MFAP3: variants seen among roughly 807,000 people sequenced by gnomAD.
MFAP3 encodes microfibril-associated glycoprotein 3.
A neutral mutation model predicts 20.5 loss-of-function variants in MFAP3; 8 were observed. The observed-to-expected ratio is 0.39, with a 90% CI of 0.23 to 0.70. The LOEUF (loss-of-function observed/expected upper bound fraction) is 0.70. Among genes scored for constraint, MFAP3 ranks in the 30% least tolerant of loss-of-function variants. The pLI is 0.44. For synonymous variants in MFAP3, 140 were observed against 154.0 expected (o/e 0.91, Z 0.67); for missense variants, 398 against 444.6 (o/e 0.90, Z 0.94).
In MFAP3 at chr5:154,053,447, C is replaced by T; in HGVS notation, c.823C>T (p.Pro275Ser). Reference sequence around the variant, plus strand: ...CCTGGGTGAAAGAATTAAAGAGAGACCTGCCTTGAATGCTCAAGGTGGCAT... The same window carrying T: ...CCTGGGTGAAAGAATTAAAGAGAGATCTGCCTTGAATGCTCAAGGTGGCAT... Reference protein sequence around the residue: ...DDLGERIKERPALNAQGGIYV... With the variant: ...DDLGERIKERSALNAQGGIYV... Residue 275 changes from proline (P) to serine (S), a missense_variant, in exon 3 of 3, where the codon CCT becomes TCT. Pro to Ser is a moderately conservative substitution (Grantham distance 74, BLOSUM62 -1). Coordinates refer to ENST00000522782, the MANE Select transcript of MFAP3 (RefSeq NM_005927.5). 6.2e-7 allele frequency: 1 copy of T among 1,613,936 alleles called. No homozygotes were observed. Among genetic ancestry groups the T allele is most frequent in the Admixed American group, 1.7e-5 (1 of 59,962 alleles).
At chr5:154,040,554 C>G (rs1398963694) in intron 1 of MFAP3, among the ~76,000 whole-genome samples, 1 of 152,070 alleles carries the variant, frequency 6.6e-6, no homozygotes, top group African/African-American at 2.4e-5. Context: ...TCAGGGACAC[C>G]CAGGAGTTCC....
chr5:154,041,602 A>G (rs1342310082), intron 1 of MFAP3, among the ~76,000 whole-genome samples: 1 of 152,260 alleles, frequency 6.6e-6, no homozygotes, highest in Admixed American at 6.5e-5. Flanking sequence ...GAGAATTACA[A>G]TGCCAAATTG....
chr5:154,050,610 C>CTTTTTTTTTTTTTTTTTTT (rs11167656), intron 2 of MFAP3, among the ~76,000 whole-genome samples: 1 of 93,288 alleles, frequency 1.1e-5, no homozygotes, highest in African/African-American at 4.0e-5. Context: ...CCTTCCAGCT[C>CTTTTTTTTTTTTTTTTTTT]TTTTTTTTTT....
At chr5:154,040,044 CT>C (rs987219716) in intron 1 of MFAP3, among the ~76,000 whole-genome samples, 1 of 152,160 alleles carries the variant, frequency 6.6e-6, no homozygotes, top group Non-Finnish European at 1.5e-5. Context: ...CTCTGATTTT[CT>C]GTTGTAATGG....
In MFAP3 at chr5:154,056,154, T is replaced by G. The variant is rs1391235780; in HGVS notation, c.*2441T>G. 6.6e-6 allele frequency among the ~76,000 whole-genome samples: 1 copy of G among 152,154 alleles called. No homozygotes were observed. Among genetic ancestry groups the G allele is most frequent in the East Asian group, 1.9e-4 (1 of 5,190 alleles). ...GAACTTTGGAAAAATGGAGGAAATG[T>G]TTTTAAAGTCTGTAAGTTTGCACGA... On this transcript the variant is annotated 3_prime_UTR_variant, in exon 3 of 3. Coordinates refer to ENST00000522782, the MANE Select transcript of MFAP3 (RefSeq NM_005927.5).
chr5:154,046,318 T>G (rs1039050442), intron 1 of MFAP3, among the ~76,000 whole-genome samples: 6 of 152,246 alleles, frequency 3.9e-5, no homozygotes, highest in African/African-American at 1.4e-4. Flanking sequence ...TGAACAATTA[T>G]AATCCCTGTT....
At chr5:154,045,209 A>T (rs1050913620) in intron 1 of MFAP3, among the ~76,000 whole-genome samples, 13 of 152,150 alleles carry the variant, frequency 8.5e-5, no homozygotes, top group African/African-American at 3.1e-4. Context: ...CTATTAGCTT[A>T]CTTTGCCAAT....
chr5:154,050,099 C>T, intron 2 of MFAP3, 82 bp downstream of exon 2: 1 of 1,462,418 alleles, frequency 6.8e-7, no homozygotes, highest in South Asian at 1.4e-5. Context: ...AACAAAAAGT[C>T]TCAAAGATAA....
intron 1 of MFAP3, among the ~76,000 whole-genome samples, chr5:154,044,971 G>A (rs1773043592): frequency 6.7e-6 from 1 of 149,574 alleles, no homozygotes; most frequent in South Asian, 2.1e-4. Flanking sequence ...GTGCCAGGAA[G>A]TAGAATTCTA....
At chr5:154,047,623 T>C (rs1229794863) in intron 1 of MFAP3, among the ~76,000 whole-genome samples, 1 of 152,220 alleles carries the variant, frequency 6.6e-6, no homozygotes, top group Non-Finnish European at 1.5e-5. Flanking sequence ...ATTATGTTTA[T>C]GTGTACGGTT....
In MFAP3 at chr5:154,055,760, C is replaced by G. The variant is rs1184893571; in HGVS notation, c.*2047C>G. 6.6e-6 allele frequency among the ~76,000 whole-genome samples: 1 copy of G among 152,088 alleles called. No individual in the cohort carries two copies. The highest frequency in any genetic ancestry group is 2.4e-5 in the African/African-American group (1 of 41,408). ...AGCTAGGACTACAGGTGTGCACCAC[C>G]TTTCCTGGCTAATTTTTTTTTATTT... On this transcript the variant is annotated 3_prime_UTR_variant, in exon 3 of 3. Coordinates refer to ENST00000522782, the MANE Select transcript of MFAP3 (RefSeq NM_005927.5).
At chr5:154,046,729 G>C (rs1275835609) in intron 1 of MFAP3, among the ~76,000 whole-genome samples, 1 of 152,178 alleles carries the variant, frequency 6.6e-6, no homozygotes, top group African/African-American at 2.4e-5. Flanking sequence ...TGTGACAGCT[G>C]TTCATTCTGC....
At chr5:154,046,185 T>G (rs1773069936) in intron 1 of MFAP3, among the ~76,000 whole-genome samples, 1 of 152,216 alleles carries the variant, frequency 6.6e-6, no homozygotes, top group Non-Finnish European at 1.5e-5. Flanking sequence ...ACATGGTAAA[T>G]GAAGGTATCA....
chr5:154,056,839 G>A lies in MFAP3; in HGVS notation c.*3126G>A, dbSNP rs1322693671. On this transcript the variant is annotated 3_prime_UTR_variant, in exon 3 of 3. Transcript: ENST00000522782. ...TGGTTTAATTCTTGAGTCAGGGCCA[G>A]CACGCATTTATATTTTCTACCAATT... is the stretch of plus-strand genomic sequence containing the variant. Among the ~76,000 whole-genome samples, 1 of 152,296 alleles carries A rather than the reference G, an allele frequency of 6.6e-6. No individual in the cohort carries two copies. The highest frequency in any genetic ancestry group is 2.4e-5 in the African/African-American group (1 of 41,552).
Position 154,053,545 on chromosome 5 carries a change from A to G in MFAP3, c.921A>G (p.Glu307=), listed in dbSNP as rs752027176. The G allele has an allele frequency of 2.5e-6, 4 of 1,613,930 alleles. No individual in the cohort carries two copies. The South Asian group carries it at 4.4e-5, about 18-fold the overall frequency. ...ATTCAGATGATGGCTCTCTGAATGA[A>G]CAAGGCCAGGAAATAGCAGTTCAGG... ...GGDSDDGSLN[E]QGQEIAVQVS... Residue 307 remains glutamate (E), a synonymous_variant, in exon 3 of 3, where the codon GAA becomes GAG. Transcript: ENST00000522782.
Position 154,053,526 on chromosome 5 carries a change from A to C in MFAP3, c.902A>C (p.Asp301Ala), listed in dbSNP as rs2113568858. ...GRSNSPGGDS[D>A]DGSLNEQGQE... ...AGTAATTCACCAGGAGGAGATTCAG[A>C]TGATGGCTCTCTGAATGAACAAGGC... Residue 301 changes from aspartate (D) to alanine (A), a missense_variant, in exon 3 of 3, where the codon GAT becomes GCT. Transcript: ENST00000522782. 1 of 1,613,902 alleles carries C rather than the reference A, an allele frequency of 6.2e-7. No individual in the cohort carries two copies. The highest frequency in any genetic ancestry group is 1.3e-5 in the African/African-American group (1 of 75,050).
intron 1 of MFAP3, among the ~76,000 whole-genome samples, chr5:154,047,774 A>G (rs958810630): frequency 1.3e-5 from 2 of 152,242 alleles, no homozygotes; most frequent in Non-Finnish European, 2.9e-5. Flanking sequence ...AACAAAAAAG[A>G]CAGGAGAAGG....
rs1179250695 is a variant in MFAP3 at position 154,053,692 on chromosome 5, A to G, written c.1068A>G (p.Ala356=). The part of the protein sequence containing the change: ...AESNCNYKDG[A]YENCQL ...CTAACTGTAACTACAAAGATGGGGC[A>G]TATGAAAACTGTCAGCTGTAACCTA... The change falls in exon 3 of 3, where the codon GCA becomes GCG. Residue 356 remains alanine (A), a synonymous_variant. Coordinates refer to ENST00000522782, the MANE Select transcript of MFAP3 (RefSeq NM_005927.5). The G allele has an allele frequency of 1.2e-6, 2 of 1,611,832 alleles. No homozygotes were observed. Among genetic ancestry groups the G allele is most frequent in the East Asian group, 2.2e-5 (1 of 44,862 alleles).
intron 2 of MFAP3, among the ~76,000 whole-genome samples, chr5:154,051,495 A>T (rs2113565801): frequency 6.6e-6 from 1 of 152,332 alleles, no homozygotes; most frequent in Middle Eastern, 3.4e-3. Context: ...GTCTAGTATA[A>T]GGTTCATAAA....
Sources: allele counts gnomAD v4.1 joint callset (sites outside exome capture counted in the v4.1 genomes callset), GRCh38; gene constraint gnomAD v4.1.1; transcripts MANE v1.5; gene names NCBI Gene and HGNC (gene_info 2026-07-23, HGNC 2026-07-21).